Variants in FHIT observed in about 807,000 individuals in gnomAD.
FHIT encodes fragile histidine triad diadenosine triphosphatase.
A neutral mutation model predicts 17.9 loss-of-function variants in FHIT; 19 were observed. The observed-to-expected ratio is 1.06, with a 90% CI of 0.74 to 1.56. The LOEUF is 1.56. FHIT is among the 40% of genes most tolerant of loss of function. The pLI, the probability that FHIT is intolerant of heterozygous loss-of-function variation, is 0.00. For missense variants in FHIT, 248 were observed against 189.2 expected, an observed-to-expected ratio of 1.31 and a Z score of -1.82; for synonymous variants, 81 against 69.7, an observed-to-expected ratio of 1.16 and a Z score of -0.81.
intron 3 of FHIT, among the ~76,000 whole-genome samples, chr3:60,875,112 C>A (rs1238359136): frequency 6.6e-6 from 1 of 152,136 alleles, no homozygotes; most frequent in African/African-American, 2.4e-5. Flanking sequence ...TCCCAGGACC[C>A]AAATCCCTCT....
intron 5 of FHIT, among the ~76,000 whole-genome samples, chr3:60,346,279 A>C (rs1315665760): frequency 6.6e-6 from 1 of 152,244 alleles, no homozygotes; most frequent in Non-Finnish European, 1.5e-5. Context: ...CTATAAGAGT[A>C]GTGGAAAAAT....
At chr3:60,627,051 G>A (rs2039309047) in intron 4 of FHIT, among the ~76,000 whole-genome samples, 1 of 151,760 alleles carries the variant, frequency 6.6e-6, no homozygotes. Flanking sequence ...ATTCCACATG[G>A]CCATGGTACA....
chr3:60,225,479 G>A (rs1204840015), intron 5 of FHIT, among the ~76,000 whole-genome samples: 2 of 152,166 alleles, frequency 1.3e-5, no homozygotes, highest in Non-Finnish European at 2.9e-5. Flanking sequence ...TATTATCTAG[G>A]TATAAATGTC....
intron 4 of FHIT, among the ~76,000 whole-genome samples, chr3:60,649,164 G>A (rs1473377844): frequency 6.6e-6 from 1 of 152,138 alleles, no homozygotes; most frequent in Non-Finnish European, 1.5e-5. Flanking sequence ...TTGGGAGGCC[G>A]AGACGGGTGG....
At chr3:60,401,908 T>C (rs1004623398) in intron 5 of FHIT, among the ~76,000 whole-genome samples, 3 of 152,148 alleles carry the variant, frequency 2.0e-5, no homozygotes, top group Non-Finnish European at 4.4e-5. Flanking sequence ...CAGTTGAGTG[T>C]TCTGGGTCAT....
intron 3 of FHIT, among the ~76,000 whole-genome samples, chr3:61,014,807 A>AAAAAAAAATTAT (rs1553798839): frequency 2.0e-5 from 1 of 49,102 alleles, no homozygotes; most frequent in African/African-American, 5.4e-5. Flanking sequence ...AAAAAAAAAA[A>AAAAAAAAATTAT]ATATATATAT....
intron 2 of FHIT, among the ~76,000 whole-genome samples, chr3:61,087,504 T>C: frequency 6.6e-6 from 1 of 152,166 alleles, no homozygotes; most frequent in East Asian, 1.9e-4. Flanking sequence ...GATAATATTG[T>C]TGTAATTATA....
intron 3 of FHIT, among the ~76,000 whole-genome samples, chr3:60,891,870 A>C (rs782724867): frequency 1.3e-5 from 2 of 152,236 alleles, no homozygotes; most frequent in Non-Finnish European, 2.9e-5. Flanking sequence ...CATAAAGTTA[A>C]GTGAGCAAAC....
chr3:60,107,453 T>A (rs773190462), intron 5 of FHIT, among the ~76,000 whole-genome samples: 3 of 152,160 alleles, frequency 2.0e-5, no homozygotes, highest in Non-Finnish European at 4.4e-5. Context: ...ATTCATGCAT[T>A]GGGCAGCTTC....
chr3:61,115,148 T>C (rs1483801600), intron 2 of FHIT, among the ~76,000 whole-genome samples: 1 of 152,136 alleles, frequency 6.6e-6, no homozygotes, highest in Non-Finnish European at 1.5e-5. Flanking sequence ...AAAGAAGACT[T>C]GATTTTATGG....
chr3:60,029,552 C>T (rs893727362), intron 5 of FHIT, among the ~76,000 whole-genome samples: 2 of 152,140 alleles, frequency 1.3e-5, no homozygotes, highest in Non-Finnish European at 2.9e-5. Context: ...ATTCTCCCAC[C>T]ACACTGCCTG....
chr3:60,369,461 T>C (rs1700237005), intron 5 of FHIT, among the ~76,000 whole-genome samples: 1 of 152,202 alleles, frequency 6.6e-6, no homozygotes, highest in Non-Finnish European at 1.5e-5. Context: ...TCTTCATTAG[T>C]TGTCTTCTTC....
chr3:60,474,688 A>G (rs879840849), intron 5 of FHIT, among the ~76,000 whole-genome samples: 9 of 152,108 alleles, frequency 5.9e-5, no homozygotes, highest in Non-Finnish European at 1.2e-4. Context: ...CAGTGGCACA[A>G]TCTCGGCTCA....
chr3:59,889,744 G>T (rs908310430), intron 8 of FHIT, among the ~76,000 whole-genome samples: 5 of 152,152 alleles, frequency 3.3e-5, no homozygotes, highest in African/African-American at 1.2e-4. Context: ...AGTCTTTGGT[G>T]CTCATTAAGA....
chr3:60,556,655 A>C (rs2036749478), intron 4 of FHIT, among the ~76,000 whole-genome samples: 1 of 152,250 alleles, frequency 6.6e-6, no homozygotes, highest in Non-Finnish European at 1.5e-5. Flanking sequence ...GTGGTCACCC[A>C]ACACCGCTCA....
chr3:59,791,995 T>C (rs1699582707), intron 8 of FHIT, among the ~76,000 whole-genome samples: 1 of 53,900 alleles, frequency 1.9e-5, no homozygotes, highest in South Asian at 4.5e-4. Context: ...ATCATGGCTA[T>C]GGTAGTCTAT....
At chr3:60,381,820 C>G (rs1209211200) in intron 5 of FHIT, among the ~76,000 whole-genome samples, 1 of 65,426 alleles carries the variant, frequency 1.5e-5, no homozygotes, top group Non-Finnish European at 2.8e-5. Context: ...GGCTCTGTAA[C>G]TCTGTAACTC....
At chr3:60,175,143 C>T (rs138028573) in intron 5 of FHIT, among the ~76,000 whole-genome samples, 10 of 152,160 alleles carry the variant, frequency 6.6e-5, no homozygotes, top group Non-Finnish European at 1.0e-4. Context: ...AGTGTTAATG[C>T]CGCATGTTAA....
chr3:61,141,978 T>G (rs1252721639), intron 2 of FHIT, among the ~76,000 whole-genome samples: 1 of 151,420 alleles, frequency 6.6e-6, no homozygotes, highest in East Asian at 1.9e-4. Flanking sequence ...CACACAAGCC[T>G]ACAGGACCAA....
Sources: gnomAD v4.1 joint callset for allele counts (sites outside exome capture counted in the v4.1 genomes callset) on GRCh38, gnomAD v4.1.1 for gene constraint, MANE v1.5 for transcripts, NCBI Gene and HGNC (gene_info 2026-07-23, HGNC 2026-07-21) for gene names.